KCND2: variants seen among roughly 807,000 people sequenced by gnomAD.
KCND2 encodes potassium voltage-gated channel subfamily D member 2.
In KCND2, 16 loss-of-function variants were observed where a neutral mutation model predicts 54.4. That is an observed-to-expected ratio of 0.29 (90% CI 0.20 to 0.45). The LOEUF (loss-of-function observed/expected upper bound fraction) is 0.45, where lower values mean the gene tolerates loss of function less well. Ranked by LOEUF, KCND2 falls within the 20% of genes least tolerant of loss-of-function variation. KCND2 has a pLI of 1.00. For synonymous variants in KCND2, 317 were observed against 310.7 expected, an observed-to-expected ratio of 1.02 and a Z score of -0.21; for missense variants, 486 against 824.2, an observed-to-expected ratio of 0.59 and a Z score of 5.02.
chr7:120,727,482 T>A (rs1272127201), intron 1 of KCND2, among the ~76,000 whole-genome samples: 3 of 152,218 alleles, frequency 2.0e-5, no homozygotes, highest in Non-Finnish European at 4.4e-5. Flanking sequence ...GTAGAGTGCA[T>A]GCCAGAATTC....
At chr7:120,739,798 A>AACACACACACACACACACAC (rs10571787) in intron 2 of KCND2, among the ~76,000 whole-genome samples, 1 of 143,970 alleles carries the variant, frequency 6.9e-6, no homozygotes, top group East Asian at 2.0e-4. Flanking sequence ...TAACAAAAGA[A>AACACACACACACACACACAC]ACACACACAC....
chr7:120,308,994 A>AT (rs767525421), intron 1 of KCND2, among the ~76,000 whole-genome samples: 15 of 152,166 alleles, frequency 9.9e-5, no homozygotes, highest in Non-Finnish European at 1.6e-4. Flanking sequence ...TTATTATAAG[A>AT]TTTTTAAGAA....
At chr7:120,286,737 G>T (rs1799351080) in intron 1 of KCND2, among the ~76,000 whole-genome samples, 1 of 150,478 alleles carries the variant, frequency 6.6e-6, no homozygotes, top group African/African-American at 2.4e-5. Flanking sequence ...AGTGATTTTG[G>T]GTTACCAAAT....
Position 120,703,688 on chromosome 7 carries a change from A to C in KCND2, c.1116-29215A>C, listed in dbSNP as rs529796459. ...GAGTGAGAAAGTAGCTATTTATTAG[A>C]GGTATGTGGCACCTGCAGGAGGAGA... On this transcript the variant is annotated intron_variant, in intron 1 of 5. Transcript: ENST00000331113. Among the ~76,000 whole-genome samples the C allele has an allele frequency of 8.1e-4, 124 of 152,264 alleles. 2 individuals are homozygous for C. The highest frequency in any genetic ancestry group is 2.8e-3 in the African/African-American group (116 of 41,578).
At position 120,274,444 on chromosome 7, in the gene KCND2, T is replaced by A. The variant is rs1025768135; in HGVS notation, c.-189T>A. The A allele has an allele frequency of 2.3e-5, 16 of 697,630 alleles. No homozygotes were observed. Among genetic ancestry groups the A allele is most frequent in the Non-Finnish European group, 3.6e-5 (14 of 388,390 alleles). 43.2% of individuals were successfully genotyped at this position (697,630 alleles called of 1,614,324 possible). ...GTTGCCATTATTCCAAATACCTGTC[T>A]TGGAGGGAAAGTTGCCCTTCTGAGA... is the stretch of plus-strand genomic sequence containing the variant. On this transcript the variant is annotated 5_prime_UTR_variant, in exon 1 of 6. The change creates a new upstream start codon in the 5' untranslated region. Transcript: ENST00000331113.
chr7:120,335,578 C>T (rs1386607766), intron 1 of KCND2, among the ~76,000 whole-genome samples: 7 of 151,480 alleles, frequency 4.6e-5, no homozygotes, highest in African/African-American at 1.5e-4. Flanking sequence ...GCGCCACCTC[C>T]GGGTTCACGC....
chr7:120,492,374 T>G (rs1802796530), intron 1 of KCND2, among the ~76,000 whole-genome samples: 1 of 152,116 alleles, frequency 6.6e-6, no homozygotes, highest in Non-Finnish European at 1.5e-5. Flanking sequence ...TGTGTGTGTA[T>G]AGTACATACA....
At chr7:120,306,937 A>T (rs1360949445) in intron 1 of KCND2, among the ~76,000 whole-genome samples, 1 of 152,102 alleles carries the variant, frequency 6.6e-6, no homozygotes. Flanking sequence ...CTGGCAAAAG[A>T]TAAGATATTT....
chr7:120,429,751 A>G (rs1304819978), intron 1 of KCND2, among the ~76,000 whole-genome samples: 1 of 152,230 alleles, frequency 6.6e-6, no homozygotes, highest in African/African-American at 2.4e-5. Context: ...TGCCAATGAT[A>G]AAATTTAAAT....
At chr7:120,600,458 C>T (rs1792800040) in intron 1 of KCND2, among the ~76,000 whole-genome samples, 1 of 151,970 alleles carries the variant, frequency 6.6e-6, no homozygotes, top group South Asian at 2.1e-4. Context: ...TCTACTAAAA[C>T]CCAACTTCTG....
intron 1 of KCND2, among the ~76,000 whole-genome samples, chr7:120,582,059 T>G (rs888131729): frequency 6.6e-6 from 1 of 152,050 alleles, no homozygotes; most frequent in Non-Finnish European, 1.5e-5. Flanking sequence ...AAAGAAAACC[T>G]TCAGTCCTTT....
intron 1 of KCND2, among the ~76,000 whole-genome samples, chr7:120,416,341 C>CCCTA (rs1214244899): frequency 6.6e-6 from 1 of 152,128 alleles, no homozygotes; most frequent in African/African-American, 2.4e-5. Flanking sequence ...TCAAGGGCAC[C>CCCTA]CCTACTCACA....
At chr7:120,502,729 A>G (rs1802954818) in intron 1 of KCND2, among the ~76,000 whole-genome samples, 1 of 152,054 alleles carries the variant, frequency 6.6e-6, no homozygotes. Context: ...CTTCTTTGCT[A>G]CTAGATTTCC....
intron 1 of KCND2, among the ~76,000 whole-genome samples, chr7:120,383,261 T>C (rs1800938262): frequency 6.6e-6 from 1 of 152,014 alleles, no homozygotes; most frequent in Non-Finnish European, 1.5e-5. Context: ...GTCTGTCTTA[T>C]CCACTTCTGT....
intron 1 of KCND2, among the ~76,000 whole-genome samples, chr7:120,585,340 G>A (rs917416276): frequency 6.6e-6 from 1 of 152,150 alleles, no homozygotes; most frequent in South Asian, 2.1e-4. Flanking sequence ...ACAGGAGATA[G>A]TGAAGGTAAA....
At chr7:120,426,225 A>T (rs1305978766) in intron 1 of KCND2, among the ~76,000 whole-genome samples, 1 of 152,120 alleles carries the variant, frequency 6.6e-6, no homozygotes. Flanking sequence ...TTAAATTTAA[A>T]ATATATTTTA....
At chr7:120,476,714 T>A (rs1802538991) in intron 1 of KCND2, among the ~76,000 whole-genome samples, 2 of 152,300 alleles carry the variant, frequency 1.3e-5, no homozygotes, top group South Asian at 4.1e-4. Context: ...TACTCCTACT[T>A]TCAAAATATC....
At chr7:120,449,221 C>T (rs1280900443) in intron 1 of KCND2, among the ~76,000 whole-genome samples, 3 of 151,006 alleles carry the variant, frequency 2.0e-5, no homozygotes, top group African/African-American at 4.9e-5. Context: ...CCTAGCTACT[C>T]GGGAGGCTGA....
chr7:120,291,303 C>G (rs1328328622), intron 1 of KCND2, among the ~76,000 whole-genome samples: 1 of 151,812 alleles, frequency 6.6e-6, no homozygotes, highest in East Asian at 1.9e-4. Flanking sequence ...ATTTTATGGT[C>G]TTAACACTTG....
Sources: gnomAD v4.1 joint callset for allele counts (sites outside exome capture counted in the v4.1 genomes callset) on GRCh38, gnomAD v4.1.1 for gene constraint, MANE v1.5 for transcripts, NCBI Gene and HGNC (gene_info 2026-07-23, HGNC 2026-07-21) for gene names.